VWC2: variants seen among roughly 807,000 people sequenced by gnomAD.
The protein encoded by VWC2 is von Willebrand factor C domain containing 2.
VWC2 carries 14 observed loss-of-function variants against 29.8 expected under a neutral mutation model. That is an observed-to-expected ratio of 0.47 (90% CI 0.31 to 0.74). VWC2 has a LOEUF of 0.74. Ranked by LOEUF, VWC2 falls within the 30% of genes least tolerant of loss-of-function variation. The pLI, the probability that VWC2 is intolerant of heterozygous loss-of-function variation, is 0.05. For missense variants in VWC2, 457 were observed against 459.8 expected (o/e 0.99, Z 0.05); for synonymous variants, 213 against 199.0 (o/e 1.07, Z -0.59).
At chr7:49,881,949 T>TTC (rs1791683793) in intron 3 of VWC2, among the ~76,000 whole-genome samples, 1 of 152,122 alleles carries the variant, frequency 6.6e-6, no homozygotes, top group Non-Finnish European at 1.5e-5. Context: ...TTTTTAAATT[T>TTC]GTCTTGAAAA....
chr7:49,880,671 G>T (rs553282711), intron 3 of VWC2, among the ~76,000 whole-genome samples: 101 of 151,876 alleles, frequency 6.7e-4, no homozygotes, highest in African/African-American at 2.3e-3. Context: ...ATCACACACC[G>T]GGGCCTGTTG....
chr7:49,880,353 A>T (rs1401411220), intron 3 of VWC2, among the ~76,000 whole-genome samples: 1 of 151,962 alleles, frequency 6.6e-6, no homozygotes, highest in East Asian at 1.9e-4. Flanking sequence ...TAAAATTTTT[A>T]TCTGAATTTA....
chr7:49,778,914 A>C (rs1187787776), intron 2 of VWC2, among the ~76,000 whole-genome samples: 3 of 152,234 alleles, frequency 2.0e-5, no homozygotes, highest in Admixed American at 1.3e-4. Context: ...ATTGTGGTAC[A>C]GTCGGGTCAT....
chr7:49,868,123 T>A (rs1036796956), intron 3 of VWC2, among the ~76,000 whole-genome samples: 1 of 152,106 alleles, frequency 6.6e-6, no homozygotes, highest in Non-Finnish European at 1.5e-5. Context: ...CATAAGCCAC[T>A]GTGCCTGTCC....
At chr7:49,796,860 T>C (rs375750570) in intron 2 of VWC2, among the ~76,000 whole-genome samples, 4 of 152,222 alleles carry the variant, frequency 2.6e-5, no homozygotes, top group Admixed American at 1.3e-4. Context: ...GCTACTCATA[T>C]AGGAGTGTGA....
chr7:49,805,567 A>G (rs2128706460), intron 3 of VWC2, among the ~76,000 whole-genome samples: 1 of 152,330 alleles, frequency 6.6e-6, no homozygotes, highest in South Asian at 2.1e-4. Context: ...AATTCTTAGT[A>G]AAAGAGAGCT....
At chr7:49,818,671 A>G (rs1789202776) in intron 3 of VWC2, among the ~76,000 whole-genome samples, 1 of 151,874 alleles carries the variant, frequency 6.6e-6, no homozygotes, top group Admixed American at 6.6e-5. Context: ...TGTTGCATGC[A>G]CTTCACTTTC....
chr7:49,794,678 G>A (rs1355729551), intron 2 of VWC2, among the ~76,000 whole-genome samples: 2 of 152,126 alleles, frequency 1.3e-5, no homozygotes, highest in African/African-American at 4.8e-5. Flanking sequence ...CATTCCCTGG[G>A]GTATACAGGC....
chr7:49,880,097 G>A (rs374271881), intron 3 of VWC2, among the ~76,000 whole-genome samples: 49 of 152,192 alleles, frequency 3.2e-4, no homozygotes, highest in African/African-American at 1.1e-3. Context: ...AATAACTCCC[G>A]TTAGATTTTG....
chr7:49,808,936 G>C (rs1788935542), intron 3 of VWC2, among the ~76,000 whole-genome samples: 1 of 151,902 alleles, frequency 6.6e-6, no homozygotes, highest in Non-Finnish European at 1.5e-5. Flanking sequence ...AAGTAGAAAG[G>C]CCTCAAATCA....
chr7:49,795,086 G>A (rs1458500478), intron 2 of VWC2, among the ~76,000 whole-genome samples: 2 of 152,174 alleles, frequency 1.3e-5, no homozygotes, highest in South Asian at 2.1e-4. Flanking sequence ...AGAACACAAG[G>A]AGAGATAATG....
chr7:49,882,915 C>T (rs752143441), intron 3 of VWC2, among the ~76,000 whole-genome samples: 3 of 151,856 alleles, frequency 2.0e-5, no homozygotes, highest in South Asian at 2.1e-4. Flanking sequence ...CTATCTTAAA[C>T]TCTTCTGGAG....
chr7:49,835,749 GTAATTTA>G (rs1789641990), intron 3 of VWC2, among the ~76,000 whole-genome samples: 1 of 152,188 alleles, frequency 6.6e-6, no homozygotes, highest in African/African-American at 2.4e-5. Flanking sequence ...TTAAAGCAAT[GTAATTTA>G]TAAGTAAAAT....
intron 3 of VWC2, among the ~76,000 whole-genome samples, chr7:49,835,652 A>T (rs925167648): frequency 2.0e-5 from 3 of 152,238 alleles, no homozygotes; most frequent in African/African-American, 7.2e-5. Context: ...GGAAAATTAC[A>T]GAAGGGGCTC....
At chr7:49,905,663 G>C (rs1478188729) in intron 3 of VWC2, among the ~76,000 whole-genome samples, 1 of 152,184 alleles carries the variant, frequency 6.6e-6, no homozygotes, top group African/African-American at 2.4e-5. Context: ...GTTTGAACCA[G>C]AGCCACTCCA....
At chr7:49,849,060 TG>T (rs1364652896) in intron 3 of VWC2, among the ~76,000 whole-genome samples, 2 of 152,216 alleles carry the variant, frequency 1.3e-5, no homozygotes, top group Non-Finnish European at 2.9e-5. Context: ...ATGACAAATG[TG>T]TTGGTGCGCT....
At chr7:49,794,500 C>T (rs1460420160) in intron 2 of VWC2, among the ~76,000 whole-genome samples, 1 of 152,170 alleles carries the variant, frequency 6.6e-6, no homozygotes, top group Non-Finnish European at 1.5e-5. Context: ...TTGTAATAGA[C>T]AGGGTGTATG....
At chr7:49,868,282 G>A (rs966297630) in intron 3 of VWC2, among the ~76,000 whole-genome samples, 5 of 152,122 alleles carry the variant, frequency 3.3e-5, no homozygotes, top group East Asian at 1.9e-4. Context: ...GGAAATATAC[G>A]CTGTTTCTTT....
chr7:49,867,907 C>G (rs1341547217), intron 3 of VWC2, among the ~76,000 whole-genome samples: 1 of 151,402 alleles, frequency 6.6e-6, no homozygotes, highest in South Asian at 2.1e-4. Flanking sequence ...AATCTCGGCT[C>G]ACTGCAATCT....
Sources: gnomAD v4.1 joint callset for allele counts (sites outside exome capture counted in the v4.1 genomes callset) on GRCh38, gnomAD v4.1.1 for gene constraint, MANE v1.5 for transcripts, NCBI Gene and HGNC (gene_info 2026-07-23, HGNC 2026-07-21) for gene names.